CFAP61: variants seen among roughly 807,000 people sequenced by gnomAD.
CFAP61 encodes cilia and flagella associated protein 61, also known as cilia- and flagella-associated protein 61.
A neutral mutation model predicts 135.6 loss-of-function variants in CFAP61; 107 were observed. That is an observed-to-expected ratio of 0.79 (90% CI 0.67 to 0.93). The LOEUF (loss-of-function observed/expected upper bound fraction) is 0.93. CFAP61 is among the 40% of genes least tolerant of loss of function. The pLI is 0.00. For missense variants in CFAP61, 1,507 were observed against 1,556.2 expected (o/e 0.97, Z 0.53); for synonymous variants, 575 against 578.5 (o/e 0.99, Z 0.09).
chr20:20,134,448 A>G (rs940819609), intron 8 of CFAP61, among the ~76,000 whole-genome samples: 6 of 152,176 alleles, frequency 3.9e-5, no homozygotes, highest in African/African-American at 1.4e-4. Context: ...CATGCCTTGC[A>G]AGAGAGTTTG....
intron 8 of CFAP61, among the ~76,000 whole-genome samples, chr20:20,115,520 C>T (rs991901930): frequency 1.3e-5 from 2 of 151,972 alleles, no homozygotes; most frequent in Admixed American, 6.6e-5. Flanking sequence ...AGCTATCAAA[C>T]ACTAGGTCTT....
chr20:20,223,975 A>T (rs967961394), intron 17 of CFAP61, among the ~76,000 whole-genome samples: 2 of 152,188 alleles, frequency 1.3e-5, no homozygotes, highest in Non-Finnish European at 2.9e-5. Flanking sequence ...TTATGTCAAC[A>T]CCCTTTAAAA....
chr20:20,339,152 C>T (rs1204250947), intron 25 of CFAP61, among the ~76,000 whole-genome samples: 1 of 152,194 alleles, frequency 6.6e-6, no homozygotes, highest in Non-Finnish European at 1.5e-5. Flanking sequence ...GGCCCTCTCT[C>T]CTGAAGATTT....
intron 7 of CFAP61, among the ~76,000 whole-genome samples, chr20:20,096,251 C>T (rs1290617691): frequency 1.3e-5 from 2 of 152,100 alleles, no homozygotes; most frequent in African/African-American, 4.8e-5. Context: ...TTGAAAGAAA[C>T]TCAAAGGAAA....
intron 11 of CFAP61, among the ~76,000 whole-genome samples, chr20:20,164,953 A>T (rs957542348): frequency 5.3e-5 from 8 of 152,222 alleles, no homozygotes; most frequent in Non-Finnish European, 1.5e-5. Flanking sequence ...ATGAGATTTC[A>T]TGAGACTTAT....
At chr20:20,144,089 A>G (rs1437267309) in intron 9 of CFAP61, among the ~76,000 whole-genome samples, 5 of 152,228 alleles carry the variant, frequency 3.3e-5, no homozygotes, top group African/African-American at 7.2e-5. Flanking sequence ...AGCAAGAACT[A>G]AAAGAATCAA....
intron 26 of CFAP61, among the ~76,000 whole-genome samples, chr20:20,356,527 C>CAGTGTGAGGGGAGGTGGTCAT (rs2059180138): frequency 1.2e-5 from 1 of 84,632 alleles, no homozygotes; most frequent in Non-Finnish European, 2.6e-5. Flanking sequence ...GAGGTGGTCA[C>CAGTGTGAGGGGAGGTGGTCAT]AGTGTGAGGG....
Position 20,090,927 on chromosome 20 carries a change from C to A in CFAP61, c.650C>A (p.Ala217Asp), listed in dbSNP as rs753738709. 2.5e-6 allele frequency: 4 copies of A among 1,614,102 alleles called. No individual in the cohort carries two copies. The Admixed American group carries it at 5.0e-5, about 20-fold the overall frequency. ...LKETYGEYFL[A>D]ELIEAQDEEN... is the part of the protein sequence containing the mutation. ...GAAACTTACGGTGAATACTTCCTGG[C>A]CGAACTAATAGAGGCCCAAGATGAA... Residue 217 changes from alanine to aspartate, a missense_variant, in exon 7 of 27, where the codon GCC becomes GAC. Physicochemically the swap from Ala to Asp is moderately radical, Grantham distance 126. Coordinates refer to ENST00000245957, the MANE Select transcript of CFAP61 (RefSeq NM_015585.4).
Position 20,288,735 on chromosome 20 carries a change from A to C in CFAP61, c.2923A>C (p.Arg975=), listed in dbSNP as rs868691549. ...CTTCCACACCAACGACATAGCCATC[A>C]GAGCTGCTGGCTCCCTCACCAAATT... ...TNFHTNDIAI[R]AAGSLTKFSN... Residue 975 remains arginine, a synonymous_variant, in exon 23 of 27, where the codon AGA becomes CGA. Coordinates refer to ENST00000245957, the MANE Select transcript of CFAP61 (RefSeq NM_015585.4). The C allele has an allele frequency of 1.2e-6, 2 of 1,614,082 alleles. No individual in the cohort carries two copies. Among genetic ancestry groups the C allele is most frequent in the Non-Finnish European group, 1.7e-6 (2 of 1,180,020 alleles).
At chr20:20,213,086 G>A (rs1475643603) in intron 17 of CFAP61, among the ~76,000 whole-genome samples, 7 of 152,104 alleles carry the variant, frequency 4.6e-5, no homozygotes, top group Non-Finnish European at 1.0e-4. Context: ...CACAGAGGTG[G>A]CATGTGGGCC....
chr20:20,138,080 ACT>A (rs780813645), intron 8 of CFAP61, among the ~76,000 whole-genome samples: 1 of 151,758 alleles, frequency 6.6e-6, no homozygotes, highest in African/African-American at 2.4e-5. Context: ...GGACCTTGTG[ACT>A]CTGCCAGGTG....
At chr20:20,266,710 G>T (rs6112842) in intron 21 of CFAP61, among the ~76,000 whole-genome samples, 23,103 of 152,114 alleles carry the variant, frequency 0.15, 2,018 homozygotes, top group African/African-American at 0.23. Context: ...TCCTCCTCAC[G>T]AATAACAGAC....
chr20:20,218,324 C>T (rs953712599), intron 17 of CFAP61, among the ~76,000 whole-genome samples: 2 of 152,182 alleles, frequency 1.3e-5, no homozygotes, highest in African/African-American at 4.8e-5. Context: ...TTGCTTCTTC[C>T]TCATTTTGTC....
chr20:20,290,943 G>A (rs2054960758), intron 24 of CFAP61, among the ~76,000 whole-genome samples: 1 of 152,198 alleles, frequency 6.6e-6, no homozygotes, highest in South Asian at 2.1e-4. Context: ...CTGACTCCCA[G>A]AGACCGTGAG....
intron 9 of CFAP61, among the ~76,000 whole-genome samples, chr20:20,153,960 A>G (rs899612684): frequency 1.3e-5 from 2 of 152,154 alleles, no homozygotes; most frequent in African/African-American, 4.8e-5. Context: ...AAAAATCCTC[A>G]ACAAAATGCT....
chr20:20,280,587 G>A (rs769929667), intron 22 of CFAP61, among the ~76,000 whole-genome samples: 3 of 152,134 alleles, frequency 2.0e-5, no homozygotes, highest in African/African-American at 4.8e-5. Context: ...ATTCCATATA[G>A]TTCCATGTAT....
chr20:20,298,379 C>T lies in CFAP61; in HGVS notation c.3415C>T (p.Leu1139Phe). The change falls in exon 25 of 27, where the codon CTC becomes TTC. Residue 1139 changes from leucine (L) to phenylalanine (F), a missense_variant. Leu to Phe is a conservative substitution (Grantham distance 22, BLOSUM62 0). Coordinates refer to ENST00000245957, the MANE Select transcript of CFAP61 (RefSeq NM_015585.4). ...ARYDENLITD[L>F]YSYFTEPWCL... ...GTACGATGAAAACCTGATCACAGATCTCTATAGGTGAGTTGGACATTGCAT... is the reference window on the plus strand; with the variant it reads ...GTACGATGAAAACCTGATCACAGATTTCTATAGGTGAGTTGGACATTGCAT... 4 of 1,613,306 alleles carry T rather than the reference C, an allele frequency of 2.5e-6. No homozygotes were observed. The highest frequency in any genetic ancestry group is 1.7e-5 in the Admixed American group (1 of 60,026).
chr20:20,055,867 A>G, intron 1 of CFAP61: 2 of 1,107,424 alleles, frequency 1.8e-6, no homozygotes, highest in Non-Finnish European at 2.7e-6. Context: ...CCTATGAAGG[A>G]AAGAAGGGAG....
At chr20:20,176,876 A>T (rs2054671712) in intron 13 of CFAP61, among the ~76,000 whole-genome samples, 1 of 152,186 alleles carries the variant, frequency 6.6e-6, no homozygotes, top group African/African-American at 2.4e-5. Flanking sequence ...AATAGAATTA[A>T]ATTAATTTTT....
Sources: gnomAD v4.1 joint callset for allele counts (sites outside exome capture counted in the v4.1 genomes callset) on GRCh38, gnomAD v4.1.1 for gene constraint, MANE v1.5 for transcripts, NCBI Gene and HGNC (gene_info 2026-07-23, HGNC 2026-07-21) for gene names.